AHCTF1: variants seen among roughly 807,000 people sequenced by gnomAD.
AHCTF1 encodes the protein protein ELYS.
Under a neutral mutation model 248.4 loss-of-function variants are expected in AHCTF1, and 24 were observed. The observed-to-expected ratio is 0.10, with a 90% CI of 0.07 to 0.14. AHCTF1 has a LOEUF of 0.14. AHCTF1 is among the 10% of genes least tolerant of loss of function. AHCTF1 has a pLI of 1.00. For synonymous variants in AHCTF1, 786 were observed against 929.8 expected, an observed-to-expected ratio of 0.85 and a Z score of 2.81; for missense variants, 2,206 against 2,636.2, an observed-to-expected ratio of 0.84 and a Z score of 3.57.
At chr1:246,884,261 T>C (rs1253939021) in intron 21 of AHCTF1, among the ~76,000 whole-genome samples, 1 of 152,242 alleles carries the variant, frequency 6.6e-6, no homozygotes, top group Non-Finnish European at 1.5e-5. Flanking sequence ...AGCCAGATTA[T>C]TTCAACAAGC....
chr1:246,905,184 A>AT (rs1326790609), intron 6 of AHCTF1, among the ~76,000 whole-genome samples: 1 of 152,184 alleles, frequency 6.6e-6, no homozygotes, highest in Non-Finnish European at 1.5e-5. Context: ...TACCTGTTCT[A>AT]TTTTTGACTA....
chr1:246,854,215 C>T (rs759358995), intron 31 of AHCTF1, among the ~76,000 whole-genome samples: 1 of 148,620 alleles, frequency 6.7e-6, no homozygotes. Context: ...AGGAGAATAG[C>T]GTGAGCCTGG....
chr1:246,843,216 C>T (rs1660004216), intron 34 of AHCTF1, among the ~76,000 whole-genome samples: 1 of 152,216 alleles, frequency 6.6e-6, no homozygotes, highest in African/African-American at 2.4e-5. Context: ...TTTGCGTCTG[C>T]CATTTACTCT....
chr1:246,848,721 A>C (rs1161415741), intron 33 of AHCTF1, among the ~76,000 whole-genome samples: 1 of 151,700 alleles, frequency 6.6e-6, no homozygotes, highest in Admixed American at 6.6e-5. Context: ...AAAATTAGCC[A>C]GGCCTGTAAT....
At chr1:246,902,898 G>A (rs1665106528) in intron 7 of AHCTF1, among the ~76,000 whole-genome samples, 1 of 152,124 alleles carries the variant, frequency 6.6e-6, no homozygotes, top group Non-Finnish European at 1.5e-5. Flanking sequence ...GTCTTCTAAA[G>A]TTATTTAACA....
At chr1:246,913,207 T>C (rs1665929181) in intron 4 of AHCTF1, 25 bp downstream of exon 4, 2 of 1,502,434 alleles carry the variant, frequency 1.3e-6, no homozygotes, top group East Asian at 2.4e-5. Context: ...GCTCCATTTT[T>C]GGTTTCAAGT....
At chr1:246,869,051 G>T (rs12728345) in intron 24 of AHCTF1, among the ~76,000 whole-genome samples, 84 of 150,802 alleles carry the variant, frequency 5.6e-4, no homozygotes, top group African/African-American at 2.0e-3. Flanking sequence ...TCACCATGTT[G>T]GCCAGGATGG....
At position 246,839,101 on chromosome 1, in the gene AHCTF1, T is replaced by C. The variant is rs1659653999; in HGVS notation, c.*1705A>G. ...CCTAAAATGTTGTAGCAACACATTT[T>C]AATGAGCAGTGTTTTTATTCAAGCT... On this transcript the variant is annotated 3_prime_UTR_variant, in exon 36 of 36. Coordinates refer to ENST00000648844, the MANE Select transcript of AHCTF1 (RefSeq NM_001323342.2). 6.6e-6 allele frequency: 1 copy of C among 152,242 alleles called. No homozygotes were observed. Among genetic ancestry groups the C allele is most frequent in the Non-Finnish European group, 1.5e-5 (1 of 68,038 alleles). The allele number at this position is 152,242 out of a possible 1,614,324, so 9.4% of individuals were successfully genotyped here. A position where few individuals can be genotyped will look rare whatever the true frequency, so the allele number is the denominator to read the frequency against.
At chr1:246,887,423 A>T in intron 19 of AHCTF1, 66 bp from the exon 20 acceptor site, 1 of 1,447,358 alleles carries the variant, frequency 6.9e-7, no homozygotes. Context: ...TATATTTACA[A>T]TAGGTAGCAA....
chr1:246,904,322 CA>C (rs1167848494), intron 6 of AHCTF1, among the ~76,000 whole-genome samples: 1 of 152,174 alleles, frequency 6.6e-6, no homozygotes, highest in Non-Finnish European at 1.5e-5. Flanking sequence ...ATTCCTTCCT[CA>C]ATGGTTATAC....
intron 26 of AHCTF1, among the ~76,000 whole-genome samples, chr1:246,866,525 A>C (rs559784944): frequency 1.3e-5 from 2 of 152,244 alleles, no homozygotes; most frequent in East Asian, 3.9e-4. Flanking sequence ...TTCTGGCCTC[A>C]GTTGTTTGTA....
In AHCTF1 at chr1:246,840,598, A is replaced by C. The variant is rs1352029567; in HGVS notation, c.*208T>G. The C allele has an allele frequency of 3.2e-6, 1 of 308,480 alleles. No individual in the cohort carries two copies. Among genetic ancestry groups the C allele is most frequent in the African/African-American group, 2.2e-5 (1 of 46,248 alleles). The allele number at this position is 308,480 out of a possible 1,614,324, so 19.1% of individuals were successfully genotyped here. A position where few individuals can be genotyped will look rare whatever the true frequency, so the allele number is the denominator to read the frequency against. On this transcript the variant is annotated 3_prime_UTR_variant, in exon 36 of 36. Coordinates refer to ENST00000648844, the MANE Select transcript of AHCTF1 (RefSeq NM_001323342.2). ...TAATAAGCCATATTTACATATATAAATGTATGAAGTCTTAATATAAAATAG... is the reference window on the plus strand; with the variant it reads ...TAATAAGCCATATTTACATATATAACTGTATGAAGTCTTAATATAAAATAG...
chr1:246,868,762 A>G (rs1002507532), intron 24 of AHCTF1, among the ~76,000 whole-genome samples: 1 of 150,868 alleles, frequency 6.6e-6, no homozygotes, highest in East Asian at 1.9e-4. Flanking sequence ...GTTACAGAGC[A>G]GCCAATAAAA....
Position 246,839,144 on chromosome 1 carries a change from C to T in AHCTF1, c.*1662G>A, listed in dbSNP as rs964825135. ...TTCAAGCTATATAAAGACATTTATA[C>T]GTAAGTACATACATTCATTTAAAAT... is the stretch of plus-strand genomic sequence containing the variant. On this transcript the variant is annotated 3_prime_UTR_variant, in exon 36 of 36. Transcript: ENST00000648844. 6.6e-6 allele frequency: 1 copy of T among 152,012 alleles called. No individual in the cohort carries two copies. The highest frequency in any genetic ancestry group is 2.4e-5 in the African/African-American group (1 of 41,370). The allele number at this position is 152,012 out of a possible 1,614,324, so 9.4% of individuals were successfully genotyped here. A position where few individuals can be genotyped will look rare whatever the true frequency, so the allele number is the denominator to read the frequency against.
rs1457402502 is a variant in AHCTF1 at position 246,907,677 on chromosome 1, A to C, written c.638T>G (p.Phe213Cys). ...TGTTCCTGTTGGACTTACTAACTGG[A>C]AACACAGATGGCGCCCTTGTCTCAT... ...SVMRQGRHLC[F>C]QLVSPTGTAV... is the part of the protein sequence containing the mutation. Residue 213 changes from phenylalanine (F) to cysteine (C), a missense_variant, in exon 5 of 36, where the codon TTC (phenylalanine) becomes TGC (cysteine). By Grantham distance (205) the Phe-to-Cys change is radical. Coordinates refer to ENST00000648844, the MANE Select transcript of AHCTF1 (RefSeq NM_001323342.2). The C allele has an allele frequency of 1.9e-6, 3 of 1,613,882 alleles. No homozygotes were observed. In the African/African-American group the frequency reaches 4.0e-5, roughly 22 times the overall value.
intron 33 of AHCTF1, among the ~76,000 whole-genome samples, chr1:246,845,550 GA>G (rs1413531276): frequency 1.3e-5 from 2 of 152,244 alleles, no homozygotes; most frequent in East Asian, 3.9e-4. Flanking sequence ...TAGGCTACCT[GA>G]AAAAACGATT....
chr1:246,915,867 G>C (rs1389529922), intron 3 of AHCTF1, among the ~76,000 whole-genome samples: 4 of 152,208 alleles, frequency 2.6e-5, no homozygotes, highest in Non-Finnish European at 5.9e-5. Context: ...CACAAAAAAA[G>C]AGTATCAGAA....
In AHCTF1 at chr1:246,887,305, G is replaced by A. The variant is rs1663887010; in HGVS notation, c.2378C>T (p.Thr793Ile). Residue 793 changes from threonine (T) to isoleucine (I), a missense_variant, in exon 20 of 36, where the codon ACT becomes ATT. Thr to Ile is a moderately conservative substitution (Grantham distance 89). Transcript: ENST00000648844. ...TACAGTTGGGAAAGATTCAATGGGA[G>A]TGTCTGTTTTGTTGGGAAAGGAATA... ...IMYSFPNKTDTPIESFPTVFA... is the reference protein window; with the variant it reads ...IMYSFPNKTDIPIESFPTVFA... The A allele has an allele frequency of 1.9e-6, 3 of 1,613,254 alleles. No individual in the cohort carries two copies. The highest frequency in any genetic ancestry group is 1.3e-5 in the African/African-American group (1 of 74,878).
At chr1:246,870,247 T>C (rs1444019283) in intron 24 of AHCTF1, among the ~76,000 whole-genome samples, 4 of 151,922 alleles carry the variant, frequency 2.6e-5, no homozygotes, top group South Asian at 2.1e-4. Flanking sequence ...AGTTTGAGAA[T>C]AGCCTGGGCG....
Sources: allele counts gnomAD v4.1 joint callset (sites outside exome capture counted in the v4.1 genomes callset), GRCh38; gene constraint gnomAD v4.1.1; transcripts MANE v1.5; gene names NCBI Gene and HGNC (gene_info 2026-07-23, HGNC 2026-07-21).